Variants in LRBA observed in about 807,000 individuals in gnomAD.
The protein encoded by LRBA is lipopolysaccharide-responsive and beige-like anchor protein.
LRBA carries 176 observed loss-of-function variants against 330.0 expected under a neutral mutation model. That is an observed-to-expected ratio of 0.53 (90% CI 0.47 to 0.60). The LOEUF (loss-of-function observed/expected upper bound fraction) is 0.60, where lower values mean the gene tolerates loss of function less well. Ranked by LOEUF, LRBA falls within the 20% of genes least tolerant of loss-of-function variation. LRBA has a pLI of 0.00. For missense variants in LRBA, 3,259 were observed against 3,444.8 expected (o/e 0.95, Z 1.35); for synonymous variants, 1,230 against 1,193.0 (o/e 1.03, Z -0.64).
At chr4:150,654,020 C>G (rs2126780951) in intron 37 of LRBA, among the ~76,000 whole-genome samples, 1 of 152,228 alleles carries the variant, frequency 6.6e-6, no homozygotes, top group African/African-American at 2.4e-5. Flanking sequence ...TTACTGAGTT[C>G]TAAAGTTACC....
rs1293721577 is a variant in LRBA at position 150,785,676 on chromosome 4, T to C, written c.5580+12405A>G. ...TTCTACTAGGACTCAGGAATCATCA[T>C]AATGAACAACTGTTAATGATAATAA... On this transcript the variant is annotated intron_variant, in intron 34 of 56. Coordinates refer to ENST00000651943, the MANE Select transcript of LRBA (RefSeq NM_001364905.1). Among the ~76,000 whole-genome samples the C allele has an allele frequency of 2.6e-5, 4 of 152,234 alleles. No homozygotes were observed. In the East Asian group the frequency reaches 5.8e-4, roughly 22 times the overall value.
chr4:150,536,107 G>A (rs1029885442), intron 40 of LRBA, among the ~76,000 whole-genome samples: 3 of 152,074 alleles, frequency 2.0e-5, no homozygotes, highest in African/African-American at 7.2e-5. Context: ...CAGAACAAAT[G>A]CACTGGTCTC....
chr4:150,525,864 A>G (rs1322168955), intron 40 of LRBA, among the ~76,000 whole-genome samples: 5 of 152,118 alleles, frequency 3.3e-5, no homozygotes, highest in African/African-American at 1.2e-4. Flanking sequence ...AATAAGCTCT[A>G]TTTTATTCCT....
chr4:150,789,280 T>C (rs1578787736), intron 34 of LRBA, among the ~76,000 whole-genome samples: 1 of 152,260 alleles, frequency 6.6e-6, no homozygotes, highest in Admixed American at 6.5e-5. Context: ...ATTCTGATTC[T>C]TTTATTCAGG....
intron 37 of LRBA, among the ~76,000 whole-genome samples, chr4:150,603,439 C>T (rs1227805638): frequency 6.6e-6 from 1 of 152,100 alleles, no homozygotes; most frequent in Admixed American, 6.6e-5. Flanking sequence ...TTTAATACAT[C>T]ACTATAATCT....
chr4:150,909,891 A>G (rs1257556135), intron 9 of LRBA, among the ~76,000 whole-genome samples: 1 of 152,112 alleles, frequency 6.6e-6, no homozygotes, highest in African/African-American at 2.4e-5. Flanking sequence ...AGTTTAAATT[A>G]GCATTTTTCT....
chr4:150,315,780 T>C (rs753025140), intron 50 of LRBA, 157 bp from the exon 51 acceptor site: 83 of 586,538 alleles, frequency 1.4e-4, no homozygotes, highest in Non-Finnish European at 2.1e-4. Flanking sequence ...GGTGCTTTTA[T>C]GGCTAGCTTA....
chr4:150,768,615 C>T (rs563097189), intron 34 of LRBA, among the ~76,000 whole-genome samples: 1 of 152,128 alleles, frequency 6.6e-6, no homozygotes, highest in Admixed American at 6.5e-5. Flanking sequence ...AAAGGTAATC[C>T]TCTACAAATA....
intron 47 of LRBA, among the ~76,000 whole-genome samples, chr4:150,396,609 T>G (rs1156647036): frequency 6.6e-6 from 1 of 152,108 alleles, no homozygotes; most frequent in Non-Finnish European, 1.5e-5. Flanking sequence ...AGGGAAAAGC[T>G]ATTGAGGGAA....
At chr4:150,641,294 T>C (rs1485222812) in intron 37 of LRBA, among the ~76,000 whole-genome samples, 1 of 152,164 alleles carries the variant, frequency 6.6e-6, no homozygotes, top group Non-Finnish European at 1.5e-5. Flanking sequence ...TTATCATTGG[T>C]TTTTCATATT....
intron 22 of LRBA, 98 bp downstream of exon 22, chr4:150,867,573 T>G: frequency 1.1e-6 from 1 of 916,660 alleles, no homozygotes; most frequent in Non-Finnish European, 1.6e-6. Context: ...AACTTGCCTT[T>G]TTTCCTTGAT....
chr4:150,821,051 T>A (rs1425682662), intron 30 of LRBA, among the ~76,000 whole-genome samples: 1 of 152,138 alleles, frequency 6.6e-6, no homozygotes, highest in African/African-American at 2.4e-5. Flanking sequence ...TAGGGATATT[T>A]CTGGCATCTT....
intron 37 of LRBA, among the ~76,000 whole-genome samples, chr4:150,633,399 G>A (rs1306864025): frequency 6.6e-6 from 1 of 152,158 alleles, no homozygotes; most frequent in East Asian, 1.9e-4. Context: ...TTTGTTCACT[G>A]TCTAATCCCC....
chr4:150,970,643 C>T (rs1465905912), intron 2 of LRBA: 1 of 150,506 alleles, frequency 6.6e-6, no homozygotes, highest in African/African-American at 2.4e-5. Flanking sequence ...ATGTGTGACT[C>T]ATATTCACTA....
chr4:150,283,214 C>T (rs1747761067), intron 54 of LRBA, among the ~76,000 whole-genome samples: 1 of 152,146 alleles, frequency 6.6e-6, no homozygotes, highest in Non-Finnish European at 1.5e-5. Context: ...AAAATTCACA[C>T]AGGAACCCTT....
chr4:150,871,274 T>TG, intron 19 of LRBA, 71 bp downstream of exon 19: 1 of 781,818 alleles, frequency 1.3e-6, no homozygotes, highest in South Asian at 1.7e-5. Context: ...TGATCTTATT[T>TG]ACCTACACAA....
intron 37 of LRBA, among the ~76,000 whole-genome samples, chr4:150,676,462 G>A (rs966829315): frequency 2.0e-5 from 3 of 152,146 alleles, no homozygotes; most frequent in African/African-American, 7.2e-5. Flanking sequence ...TATACAGCCA[G>A]TACTAAATAA....
chr4:150,661,997 C>G (rs1344733982), intron 37 of LRBA, among the ~76,000 whole-genome samples: 1 of 151,974 alleles, frequency 6.6e-6, no homozygotes, highest in Non-Finnish European at 1.5e-5. Context: ...ATTCATTAAG[C>G]TATATCAAAA....
chr4:150,864,698 G>A (rs1275551185), intron 22 of LRBA, among the ~76,000 whole-genome samples: 2 of 146,306 alleles, frequency 1.4e-5, no homozygotes, highest in Non-Finnish European at 3.0e-5. Context: ...CCAGGCTGGA[G>A]TATAGTGGTA....
Sources: gnomAD v4.1 joint callset for allele counts (sites outside exome capture counted in the v4.1 genomes callset) on GRCh38, gnomAD v4.1.1 for gene constraint, MANE v1.5 for transcripts, NCBI Gene and HGNC (gene_info 2026-07-23, HGNC 2026-07-21) for gene names.